The following DMD variants were observed in gnomAD, a reference collection of about 807,000 sequenced individuals.
DMD encodes mutant dystrophin.
A neutral mutation model predicts 330.1 loss-of-function variants in DMD; 63 were observed. The ratio of observed to expected loss-of-function variants is 0.19; its 90% CI spans 0.16 to 0.24. DMD has a LOEUF of 0.24. DMD is among the 10% of genes least tolerant of loss of function. The pLI is 1.00. For synonymous variants in DMD, 1,223 were observed against 959.8 expected (o/e 1.27, Z -5.07); for missense variants, 3,344 against 2,684.1 (o/e 1.25, Z -5.43).
At chrX:32,352,440 T>A (rs2097785001) in intron 37 of DMD, among the ~76,000 whole-genome samples, 1 of 110,962 alleles carries the variant, frequency 9.0e-6, no homozygotes, top group Admixed American at 9.7e-5. Flanking sequence ...TTGTATAAAC[T>A]CATAATCAAT....
chrX:33,055,064 AAT>A (rs1368718744), intron 1 of DMD, among the ~76,000 whole-genome samples: 1 of 111,809 alleles, frequency 8.9e-6, no homozygotes, highest in Non-Finnish European at 1.9e-5. Context: ...GATCAAGAAA[AAT>A]ATGTTGATTG....
chrX:32,438,116 G>A lies in DMD; in HGVS notation c.4071+125C>T, dbSNP rs2098268400. Reference sequence around the variant, plus strand: ...AAGAATTTACCCAGTGTCTGGCATTGGATTGTCTCTGAAACCTGAAAGCTG... The same window carrying A: ...AAGAATTTACCCAGTGTCTGGCATTAGATTGTCTCTGAAACCTGAAAGCTG... On this transcript the variant is annotated intron_variant, in intron 29 of 78. Transcript: ENST00000357033. 7.0e-6 allele frequency: 5 copies of A among 715,838 alleles called. No homozygotes were observed. The East Asian group carries it at 1.7e-4, about 25-fold the overall frequency. 59.0% of individuals were successfully genotyped at this position (715,838 alleles called of 1,213,427 possible). A position where few individuals can be genotyped will look rare whatever the true frequency, so the allele number is the denominator to read the frequency against.
At chrX:32,895,024 T>C (rs192135971) in intron 2 of DMD, among the ~76,000 whole-genome samples, 15 of 112,326 alleles carry the variant, frequency 1.3e-4, no homozygotes, top group Non-Finnish European at 2.6e-4. Flanking sequence ...GCTCTCCTCC[T>C]GATATGTAAA....
chrX:31,912,316 G>A (rs989338093), intron 47 of DMD, among the ~76,000 whole-genome samples: 10 of 111,194 alleles, frequency 9.0e-5, no homozygotes, highest in Admixed American at 9.6e-5. Flanking sequence ...ACCGCACGTC[G>A]CACAACCAAC....
intron 1 of DMD, among the ~76,000 whole-genome samples, chrX:33,157,240 CTCTT>C (rs927922393): frequency 9.0e-6 from 1 of 111,204 alleles, no homozygotes; most frequent in African/African-American, 3.3e-5. Flanking sequence ...TGTTCCGTGC[CTCTT>C]TCTTAGCTTC....
chrX:32,027,147 C>T (rs1345432992), intron 44 of DMD, among the ~76,000 whole-genome samples: 1 of 82,936 alleles, frequency 1.2e-5, no homozygotes, highest in African/African-American at 4.6e-5. Flanking sequence ...TATTATGACA[C>T]ACACACACAC....
chrX:32,457,741 GA>G (rs1476824290), intron 25 of DMD, among the ~76,000 whole-genome samples: 1 of 109,938 alleles, frequency 9.1e-6, no homozygotes. Context: ...CAGACTGTTA[GA>G]GATCTGACGA....
At chrX:32,520,455 C>A (rs948874933) in intron 17 of DMD, among the ~76,000 whole-genome samples, 4 of 111,700 alleles carry the variant, frequency 3.6e-5, no homozygotes, top group Admixed American at 1.9e-4. Context: ...TATCTGCAAG[C>A]ATCTATTTGC....
chrX:32,452,303 G>GT lies in DMD; in HGVS notation c.3603+2358_3603+2359insA, dbSNP rs1569563086. Among the ~76,000 whole-genome samples the GT allele has an allele frequency of 3.1e-4, 7 of 22,285 alleles. 1 individual carries two copies. The highest frequency in any genetic ancestry group is 4.9e-4 in the African/African-American group (2 of 4,068). The allele number at this position is 22,285 out of a possible 115,157, so 19.4% of individuals were successfully genotyped here. On this transcript the variant is annotated intron_variant, in intron 26 of 78. Coordinates refer to ENST00000357033, the MANE Select transcript of DMD (RefSeq NM_004006.3). ...GAAAAGAAAGGAAAGGAAAAGGAAAGGGAAAGTGAAAGTGAAAGTGAAAGT... is the reference window on the plus strand; with the variant it reads ...GAAAAGAAAGGAAAGGAAAAGGAAAGTGGAAAGTGAAAGTGAAAGTGAAAGT...
chrX:32,174,412 G>A (rs1224941432), intron 44 of DMD, among the ~76,000 whole-genome samples: 1 of 112,367 alleles, frequency 8.9e-6, no homozygotes, highest in Non-Finnish European at 1.9e-5. Flanking sequence ...TAGCTCTGAA[G>A]TGAGAGTCTG....
chrX:32,947,581 A>G (rs1310273287), intron 2 of DMD, among the ~76,000 whole-genome samples: 2 of 112,135 alleles, frequency 1.8e-5, no homozygotes, highest in African/African-American at 6.5e-5. Flanking sequence ...TCATCTAATT[A>G]AAAACAAAAC....
intron 1 of DMD, among the ~76,000 whole-genome samples, chrX:33,207,487 C>T (rs1317912970): frequency 5.4e-5 from 6 of 111,171 alleles, no homozygotes; most frequent in Non-Finnish European, 1.1e-4. Context: ...CTCTCCCATT[C>T]GAAGGGGTTA....
At chrX:32,806,428 A>C (rs886441287) in intron 7 of DMD, among the ~76,000 whole-genome samples, 2 of 111,868 alleles carry the variant, frequency 1.8e-5, no homozygotes, top group Non-Finnish European at 3.8e-5. Context: ...CACCCAATAC[A>C]GGAGCACCCA....
chrX:32,913,069 T>G (rs1251517203), intron 2 of DMD, among the ~76,000 whole-genome samples: 3 of 111,983 alleles, frequency 2.7e-5, no homozygotes, highest in Non-Finnish European at 5.6e-5. Flanking sequence ...CTGGGTTTCT[T>G]GCACTAAAAG....
chrX:32,130,399 T>C (rs1166395258), intron 44 of DMD, among the ~76,000 whole-genome samples: 1 of 111,878 alleles, frequency 8.9e-6, no homozygotes, highest in East Asian at 2.8e-4. Context: ...TATATATATA[T>C]ATATGTGAAA....
intron 43 of DMD, among the ~76,000 whole-genome samples, chrX:32,285,806 T>C (rs1029596979): frequency 1.8e-5 from 2 of 109,167 alleles, no homozygotes; most frequent in African/African-American, 6.7e-5. Flanking sequence ...TTCAAGGGAT[T>C]CTCCTGCCTC....
chrX:31,551,044 G>A (rs1360333613), intron 55 of DMD, among the ~76,000 whole-genome samples: 1 of 110,747 alleles, frequency 9.0e-6, no homozygotes, highest in African/African-American at 3.3e-5. Context: ...GTTGGGTGTG[G>A]TGGCGCATGC....
At chrX:31,205,823 C>G (rs749154140) in intron 66 of DMD, among the ~76,000 whole-genome samples, 115 of 112,183 alleles carry the variant, frequency 1.0e-3, no homozygotes, top group Admixed American at 3.7e-3. Context: ...ACATGTGTGG[C>G]TAGGCCTCAG....
intron 7 of DMD, among the ~76,000 whole-genome samples, chrX:32,808,363 T>A (rs756406706): frequency 1.8e-5 from 2 of 112,292 alleles, no homozygotes; most frequent in African/African-American, 6.5e-5. Context: ...TATTTGTCAA[T>A]TGTATGTGAA....
Sources: gnomAD v4.1 joint callset for allele counts (sites outside exome capture counted in the v4.1 genomes callset) on GRCh38, gnomAD v4.1.1 for gene constraint, MANE v1.5 for transcripts, NCBI Gene and HGNC (gene_info 2026-07-23, HGNC 2026-07-21) for gene names.